Variants in XRCC6 observed in about 807,000 individuals in gnomAD.
The protein encoded by XRCC6 is X-ray repair cross complementing 6.
In XRCC6, 5 loss-of-function variants were observed where a neutral mutation model predicts 65.7. The observed-to-expected ratio is 0.08, with a 90% CI of 0.04 to 0.16. The LOEUF is 0.16. XRCC6 is among the 10% of genes least tolerant of loss of function. The probability of loss-of-function intolerance (pLI) is 1.00; values close to 1 mark genes in which losing one functional copy is unlikely to be tolerated. For missense variants in XRCC6, 447 were observed against 738.1 expected (o/e 0.61, Z 4.57); for synonymous variants, 270 against 270.6 (o/e 1.00, Z 0.02).
At chr22:41,660,563 C>G (rs532109758) in intron 11 of XRCC6, among the ~76,000 whole-genome samples, 2 of 152,096 alleles carry the variant, frequency 1.3e-5, no homozygotes, top group Non-Finnish European at 2.9e-5. Context: ...GGCAGGCATC[C>G]CAGCTTCCAT....
At chr22:41,647,668 C>T (rs932077998) in intron 7 of XRCC6, among the ~76,000 whole-genome samples, 2 of 151,918 alleles carry the variant, frequency 1.3e-5, no homozygotes, top group African/African-American at 2.4e-5. Flanking sequence ...CCTGCTTTGG[C>T]TTCCCGAAGT....
chr22:41,645,921 G>C (rs183748472), intron 6 of XRCC6, among the ~76,000 whole-genome samples: 4 of 151,556 alleles, frequency 2.6e-5, no homozygotes, highest in Non-Finnish European at 4.4e-5. Context: ...AGCTGGTCTC[G>C]AGCTCCTGAC....
intron 3 of XRCC6, among the ~76,000 whole-genome samples, chr22:41,633,195 G>C (rs576217085): frequency 6.6e-6 from 1 of 152,148 alleles, no homozygotes; most frequent in African/African-American, 2.4e-5. Flanking sequence ...ATTTAAAGTG[G>C]TTCTCAAACA....
At chr22:41,633,459 C>G (rs2067777706) in intron 3 of XRCC6, among the ~76,000 whole-genome samples, 1 of 151,634 alleles carries the variant, frequency 6.6e-6, no homozygotes, top group African/African-American at 2.4e-5. Context: ...TCACTGCAAG[C>G]TCTGCCTCCT....
chr22:41,642,068 T>G (rs1468287249), intron 6 of XRCC6, among the ~76,000 whole-genome samples: 3 of 152,322 alleles, frequency 2.0e-5, no homozygotes, highest in Non-Finnish European at 4.4e-5. Context: ...GGCTGAATAG[T>G]ACTCCATTGT....
Position 41,637,750 on chromosome 22 carries a change from G to A in XRCC6, c.732G>A (p.Arg244=), listed in dbSNP as rs146392748. 3.0e-5 allele frequency: 49 copies of A among 1,613,918 alleles called. No homozygotes were observed. The highest frequency in any genetic ancestry group is 1.6e-4 in the Middle Eastern group (1 of 6,082). Residue 244 remains arginine (R), a synonymous_variant, in exon 6 of 13, where the codon CGG becomes CGA. Transcript: ENST00000360079. ...CCAGCAAGCTAGAAGACCTGTTGCG[G>A]AAGGTTCGCGCCAAGGAGACCAGGA... ...EESSKLEDLL[R]KVRAKETRKR...
At chr22:41,622,410 C>T (rs1039705097) in intron 2 of XRCC6, among the ~76,000 whole-genome samples, 29 of 152,076 alleles carry the variant, frequency 1.9e-4, no homozygotes, top group African/African-American at 7.0e-4. Context: ...GTTACCATTC[C>T]AGGACCTCAG....
At chr22:41,658,830 C>T (rs543845318) in intron 11 of XRCC6, among the ~76,000 whole-genome samples, 29 of 152,118 alleles carry the variant, frequency 1.9e-4, no homozygotes, top group Non-Finnish European at 3.8e-4. Flanking sequence ...ACTCGGGAGG[C>T]TGAGGCAGGA....
chr22:41,629,101 C>CT (rs1402919387), intron 3 of XRCC6, among the ~76,000 whole-genome samples: 1 of 151,740 alleles, frequency 6.6e-6, no homozygotes, highest in East Asian at 1.9e-4. Context: ...CTCACACCCA[C>CT]TATATAAACA....
At chr22:41,638,434 C>A (rs1601538657) in intron 6 of XRCC6, among the ~76,000 whole-genome samples, 1 of 151,952 alleles carries the variant, frequency 6.6e-6, no homozygotes, top group African/African-American at 2.4e-5. Flanking sequence ...TTACTGTAGG[C>A]AATGGTAAGT....
At position 41,636,539 on chromosome 22, in the gene XRCC6, G is replaced by T; in HGVS notation, c.358G>T (p.Asp120Tyr). ...NPGAKRILEL[D>Y]QFKGQQGQKR... ...AGGTGCAAAACGAATTCTAGAGCTT[G>T]ACCAGTTTAAGGGGCAGCAGGGACA... The change falls in exon 5 of 13, where the codon GAC becomes TAC. Residue 120 changes from aspartate (D) to tyrosine (Y), a missense_variant. By Grantham distance (160) the Asp-to-Tyr change is radical. Transcript: ENST00000360079. The T allele has an allele frequency of 6.2e-7, 1 of 1,613,950 alleles. No homozygotes were observed. The highest frequency in any genetic ancestry group is 1.1e-5 in the South Asian group (1 of 91,062).
At chr22:41,640,057 T>C (rs1380228114) in intron 6 of XRCC6, among the ~76,000 whole-genome samples, 1 of 152,074 alleles carries the variant, frequency 6.6e-6, no homozygotes, top group Non-Finnish European at 1.5e-5. Flanking sequence ...TAAGAGACGG[T>C]GTCTCACTCT....
rs1289695649 is a variant in XRCC6 at position 41,661,603 on chromosome 22, G to A, written c.1636+159G>A. The A allele has an allele frequency of 3.3e-5, 21 of 633,376 alleles. No individual in the cohort carries two copies. In the East Asian group the frequency reaches 5.7e-4, roughly 17 times the overall value. 39.2% of individuals were successfully genotyped at this position (633,376 alleles called of 1,614,324 possible). On this transcript the variant is annotated intron_variant, in intron 12 of 12. Transcript: ENST00000360079. Reference sequence around the variant, plus strand: ...CAATAACAAATGCTGGCAAAGATGTGGAGAAAAGGGAACCCTCATACACTG... The same window carrying A: ...CAATAACAAATGCTGGCAAAGATGTAGAGAAAAGGGAACCCTCATACACTG...
intron 8 of XRCC6, among the ~76,000 whole-genome samples, chr22:41,651,906 C>T (rs550396429): frequency 6.8e-4 from 103 of 152,108 alleles, no homozygotes; most frequent in South Asian, 2.1e-3. Flanking sequence ...GCCTGAGCCT[C>T]CCAAGTAGCT....
At chr22:41,661,220 C>A in intron 11 of XRCC6, 111 bp from the exon 12 acceptor site, 1 of 862,700 alleles carries the variant, frequency 1.2e-6, no homozygotes. Context: ...AGACCCCTCC[C>A]ACCTTAGCAG....
At chr22:41,649,137 A>ATATATATATATATATATATATATAT in intron 7 of XRCC6, among the ~76,000 whole-genome samples, 2 of 92,860 alleles carry the variant, frequency 2.2e-5, no homozygotes, top group Admixed American at 3.2e-4. Context: ...AAAAAAAAAA[A>ATATATATATATATATATATATATAT]AAATATATAT....
At chr22:41,660,758 G>A (rs919834471) in intron 11 of XRCC6, among the ~76,000 whole-genome samples, 5 of 152,106 alleles carry the variant, frequency 3.3e-5, no homozygotes, top group Non-Finnish European at 7.4e-5. Flanking sequence ...CAACTCCACT[G>A]CATCGTTTTT....
intron 8 of XRCC6, among the ~76,000 whole-genome samples, chr22:41,653,142 G>T (rs931987102): frequency 1.3e-5 from 2 of 151,922 alleles, no homozygotes; most frequent in African/African-American, 4.8e-5. Context: ...GGTGGCTCAT[G>T]CCTGTAATCC....
At chr22:41,626,627 G>GTT (rs1569078554) in intron 2 of XRCC6, among the ~76,000 whole-genome samples, 1 of 130,724 alleles carries the variant, frequency 7.6e-6, no homozygotes, top group East Asian at 2.2e-4. Flanking sequence ...GCTAATGTTT[G>GTT]TTTGTTTTTT....
Sources: gnomAD v4.1 joint callset for allele counts (sites outside exome capture counted in the v4.1 genomes callset) on GRCh38, gnomAD v4.1.1 for gene constraint, MANE v1.5 for transcripts, NCBI Gene and HGNC (gene_info 2026-07-23, HGNC 2026-07-21) for gene names.